Variants in EPS8 observed in about 807,000 individuals in gnomAD.
EPS8 encodes epidermal growth factor receptor kinase substrate 8.
In EPS8, 42 loss-of-function variants were observed where a neutral mutation model predicts 103.8. The observed-to-expected ratio is 0.40, with a 90% confidence interval of 0.32 to 0.52. The LOEUF is 0.52. Ranked by LOEUF, EPS8 falls within the 20% of genes least tolerant of loss-of-function variation. EPS8 has a pLI of 0.40. For missense variants in EPS8, 969 were observed against 1,005.1 expected (o/e 0.96, Z 0.49); for synonymous variants, 344 against 344.6 (o/e 1.00, Z 0.02).
intron 12 of EPS8, chr12:15,657,854 G>T: frequency 2.1e-6 from 1 of 478,400 alleles, no homozygotes; most frequent in Non-Finnish European, 3.7e-6. Context: ...CCCTAGCACT[G>T]TCAGAGATAC....
At chr12:15,729,219 C>G (rs1392134936) in intron 1 of EPS8, among the ~76,000 whole-genome samples, 1 of 152,102 alleles carries the variant, frequency 6.6e-6, no homozygotes, top group African/African-American at 2.4e-5. Flanking sequence ...ATATGCCTGT[C>G]TGTAGATTTT....
At chr12:15,638,408 T>C (rs757994837) in intron 17 of EPS8, among the ~76,000 whole-genome samples, 43 of 152,310 alleles carry the variant, frequency 2.8e-4, no homozygotes, top group Middle Eastern at 6.8e-3. Flanking sequence ...GTGGTTTTGT[T>C]GAGCTCAGCC....
intron 16 of EPS8, 77 bp from the exon 17 acceptor site, chr12:15,640,923 A>C: frequency 7.3e-7 from 1 of 1,371,850 alleles, no homozygotes; most frequent in Non-Finnish European, 1.0e-6. Flanking sequence ...AGACTTCAAC[A>C]AAGAAAATTT....
intron 4 of EPS8, 42 bp from the exon 5 acceptor site, chr12:15,669,867 AAC>A: frequency 6.8e-7 from 1 of 1,465,480 alleles, no homozygotes; most frequent in Non-Finnish European, 9.2e-7. Flanking sequence ...AACACATACA[AAC>A]ACATACAACC....
In EPS8 at chr12:15,716,496, G is replaced by A. The variant is rs1946534779; in HGVS notation, c.-21-33524C>T. Among the ~76,000 whole-genome samples the A allele has an allele frequency of 6.6e-6, 1 of 152,080 alleles. No individual in the cohort carries two copies. The highest frequency in any genetic ancestry group is 1.5e-5 in the Non-Finnish European group (1 of 68,022). On this transcript the variant is annotated intron_variant, in intron 1 of 20. Coordinates refer to ENST00000281172, the MANE Select transcript of EPS8 (RefSeq NM_004447.6). This position sits in a 1 kb window ranked among gnomAD's most constrained non-coding sequence, Gnocchi z 5.0. ...GGAACAATTCTAAGCAAAGCTCATG[G>A]GTATTTGCTGATTCCTTCAGTTTTC... is the stretch of plus-strand genomic sequence containing the variant.
rs2136034395 is a variant in EPS8, at chr12:15,764,044, T to G, written c.-22+25117A>C. ...ATAATAGACATACCTGAGACTAATT[T>G]ATAAAGGAAAAGAGGTTTAATGGAC... On this transcript the variant is annotated intron_variant, in intron 1 of 20. Coordinates refer to ENST00000281172, the MANE Select transcript of EPS8 (RefSeq NM_004447.6). This position sits in a 1 kb window ranked among gnomAD's most constrained non-coding sequence, Gnocchi z 4.1. Among the ~76,000 whole-genome samples, 1 of 152,300 alleles carries G rather than the reference T, an allele frequency of 6.6e-6. No homozygotes were observed. The highest frequency in any genetic ancestry group is 1.5e-5 in the Non-Finnish European group (1 of 68,030).
chr12:15,712,209 C>A (rs2135961218), intron 1 of EPS8, among the ~76,000 whole-genome samples: 1 of 151,848 alleles, frequency 6.6e-6, no homozygotes, highest in South Asian at 2.1e-4. Flanking sequence ...ACTATTTAAA[C>A]ATTTACAAGT....
intron 1 of EPS8, among the ~76,000 whole-genome samples, chr12:15,718,369 AC>A (rs1946556193): frequency 1.3e-5 from 2 of 152,230 alleles, no homozygotes; most frequent in South Asian, 4.1e-4. Flanking sequence ...AAACCTAATG[AC>A]GAATAAGGAA....
rs898623686 is a variant in EPS8, at chr12:15,695,981, A to G, written c.-21-13009T>C. 6.6e-6 allele frequency among the ~76,000 whole-genome samples: 1 copy of G among 152,212 alleles called. No homozygotes were observed. Among genetic ancestry groups the G allele is most frequent in the Non-Finnish European group, 1.5e-5 (1 of 68,022 alleles). On this transcript the variant is annotated intron_variant, in intron 1 of 20. Coordinates refer to ENST00000281172, the MANE Select transcript of EPS8 (RefSeq NM_004447.6). This position sits in a 1 kb window ranked among gnomAD's most constrained non-coding sequence, Gnocchi z 5.0. ...AGTAAAAATAAAACAGATAGCGTTT[A>G]TAAGGATACAAACACAGACTGCATC...
rs117042222 is a variant in EPS8 at position 15,711,372 on chromosome 12, G to A, written c.-21-28400C>T. The stretch of plus-strand genomic sequence containing the variant: ...TTACATAGAAATGAGACTAAGCAGC[G>A]TATCTCCTCCATAGTCATTTCCTCT... On this transcript the variant is annotated intron_variant, in intron 1 of 20. Coordinates refer to ENST00000281172, the MANE Select transcript of EPS8 (RefSeq NM_004447.6). Among the ~76,000 whole-genome samples the A allele has an allele frequency of 3.0e-3, 464 of 152,220 alleles. 21 individuals carry two copies. In the East Asian group the frequency reaches 0.075, roughly 25 times the overall value.
In EPS8 at chr12:15,721,840, A is replaced by G. The variant is rs1242169034; in HGVS notation, c.-21-38868T>C. Among the ~76,000 whole-genome samples the G allele has an allele frequency of 6.6e-6, 1 of 151,794 alleles. No individual in the cohort carries two copies. Among genetic ancestry groups the G allele is most frequent in the Non-Finnish European group, 1.5e-5 (1 of 67,946 alleles). On this transcript the variant is annotated intron_variant, in intron 1 of 20. Transcript: ENST00000281172. The surrounding 1 kb of genome is among the most constrained non-coding windows in gnomAD (Gnocchi z 4.4). ...TTATAAATATTATTTCTGATCATAA[A>G]AGTAAATCCATGGCAGAAAGTTAGA...
chr12:15,624,823 C>T (rs1201099466), intron 18 of EPS8, among the ~76,000 whole-genome samples: 1 of 152,068 alleles, frequency 6.6e-6, no homozygotes, highest in Non-Finnish European at 1.5e-5. Flanking sequence ...AGTTTTGGCC[C>T]CAGAGGACAT....
chr12:15,699,655 G>A (rs973144687), intron 1 of EPS8, among the ~76,000 whole-genome samples: 17 of 152,106 alleles, frequency 1.1e-4, no homozygotes, highest in African/African-American at 3.4e-4. Flanking sequence ...TTCGAGGCTC[G>A]ACCATAATTT....
At chr12:15,658,670 G>T in intron 10 of EPS8, 85 bp from the exon 11 acceptor site, 1 of 908,772 alleles carries the variant, frequency 1.1e-6, no homozygotes, top group Non-Finnish European at 1.8e-6. Context: ...ATTTATGTCT[G>T]TAAAGTTTGA....
At chr12:15,655,487 T>G (rs73053199) in intron 12 of EPS8, among the ~76,000 whole-genome samples, 11,726 of 152,162 alleles carry the variant, frequency 0.077, 643 homozygotes, top group Admixed American at 0.15. Flanking sequence ...GATGATACAG[T>G]GGTACTGGAA....
intron 3 of EPS8, among the ~76,000 whole-genome samples, chr12:15,673,260 G>T (rs1013526663): frequency 6.6e-6 from 1 of 152,066 alleles, no homozygotes; most frequent in African/African-American, 2.4e-5. Flanking sequence ...TAAATAAGTT[G>T]TATAAGAAAC....
intron 1 of EPS8, among the ~76,000 whole-genome samples, chr12:15,709,083 A>G (rs1946426808): frequency 2.0e-5 from 3 of 152,222 alleles, no homozygotes; most frequent in Admixed American, 6.5e-5. Flanking sequence ...CTTGTAATCA[A>G]TAACACTGTC....
Position 15,690,745 on chromosome 12 carries a change from C to T in EPS8, c.-21-7773G>A, listed in dbSNP as rs181164445. Among the ~76,000 whole-genome samples the T allele has an allele frequency of 1.6e-4, 25 of 152,264 alleles. No homozygotes were observed. Among genetic ancestry groups the T allele is most frequent in the African/African-American group, 5.8e-4 (24 of 41,562 alleles). On this transcript the variant is annotated intron_variant, in intron 1 of 20. Transcript: ENST00000281172. This position sits in a 1 kb window ranked among gnomAD's most constrained non-coding sequence, Gnocchi z 4.7. ...TAACTTTATGTCTATGAAAAGTTCA[C>T]GACTAAGCAGGTAAGTTAAAACCCT...
intron 3 of EPS8, 60 bp from the exon 4 acceptor site, chr12:15,670,983 G>T: frequency 8.3e-7 from 1 of 1,205,746 alleles, no homozygotes; most frequent in Non-Finnish European, 1.2e-6. Context: ...TTCATATGTT[G>T]GTATCATGTG....
Sources: allele counts gnomAD v4.1 joint callset (sites outside exome capture counted in the v4.1 genomes callset), GRCh38; gene constraint gnomAD v4.1.1; non-coding constraint Gnocchi (gnomAD v3.1); transcripts MANE v1.5; gene names NCBI Gene and HGNC (gene_info 2026-07-23, HGNC 2026-07-21).